KAT5: variants seen among roughly 807,000 people sequenced by gnomAD.
KAT5 encodes the protein histone acetyltransferase KAT5.
A neutral mutation model predicts 68.1 loss-of-function variants in KAT5; 31 were observed. The observed-to-expected ratio is 0.46, with a 90% confidence interval of 0.34 to 0.61. KAT5 has a LOEUF of 0.61. KAT5 is among the 20% of genes least tolerant of loss of function. The pLI is 0.01. For synonymous variants in KAT5, 365 were observed against 292.6 expected, an observed-to-expected ratio of 1.25 and a Z score of -2.52; for missense variants, 451 against 725.5, an observed-to-expected ratio of 0.62 and a Z score of 4.35.
chr11:65,714,273 C>T (rs1489772960), intron 6 of KAT5: 4 of 592,134 alleles, frequency 6.8e-6, no homozygotes, highest in South Asian at 4.1e-5. Context: ...CCAGCCTGGG[C>T]GACAGACTGA....
chr11:65,714,308 T>G, intron 6 of KAT5, 187 bp from the exon 7 acceptor site: 2 of 667,790 alleles, frequency 3.0e-6, no homozygotes, highest in South Asian at 2.0e-5. Context: ...AATGGGGTCA[T>G]TGGGTGATCT....
chr11:65,718,189 C>T lies in KAT5; in HGVS notation c.1265-401C>T, dbSNP rs761492773. Reference sequence around the variant, plus strand: ...GGAGGACTTTGAGAATTCAAGCATTCTCAGGTCTGGATTAGAGACAGGAAT... The same window carrying T: ...GGAGGACTTTGAGAATTCAAGCATTTTCAGGTCTGGATTAGAGACAGGAAT... On this transcript the variant is annotated intron_variant, in intron 10 of 12. Transcript: ENST00000341318. The T allele has an allele frequency of 1.1e-3, 182 of 165,894 alleles. No homozygotes were observed. Among genetic ancestry groups the T allele is most frequent in the Middle Eastern group, 3.2e-3 (1 of 316 alleles). 10.3% of individuals were successfully genotyped at this position (165,894 alleles called of 1,614,324 possible). A position where few individuals can be genotyped will look rare whatever the true frequency, so the allele number is the denominator to read the frequency against.
intron 10 of KAT5, chr11:65,718,282 C>T: frequency 3.6e-6 from 1 of 278,576 alleles, no homozygotes; most frequent in Non-Finnish European, 6.8e-6. Context: ...GAGGCCCCTT[C>T]TTCCCATGAG....
In KAT5 at chr11:65,713,681, A is replaced by G. The variant is rs1590961342; in HGVS notation, c.615+14A>G. 1 of 1,613,752 alleles carries G rather than the reference A, an allele frequency of 6.2e-7. No individual in the cohort carries two copies. Among genetic ancestry groups the G allele is most frequent in the Non-Finnish European group, 8.5e-7 (1 of 1,179,890 alleles). On this transcript the variant is annotated intron_variant, in intron 5 of 12. Transcript: ENST00000341318. ...GTTTTTCCCCAGGTGAGTTCCCCAA[A>G]CCATCTCTTGTTCTCTTCCTCTCTT...
Position 65,712,322 on chromosome 11 carries a change from G to A in KAT5, c.55G>A (p.Val19Met). The change falls in exon 1 of 13, where the codon GTG (valine) becomes ATG (methionine). Residue 19 changes from valine (V) to methionine (M), a missense_variant. Val to Met is a conservative substitution (Grantham distance 21, BLOSUM62 1). Around this residue, in one of 4 missense-constraint regions of KAT5, gnomAD observed 104 missense variants for 107.3 expected, o/e 0.97. Coordinates refer to ENST00000341318, the MANE Select transcript of KAT5 (RefSeq NM_182710.3). Reference sequence around the variant, plus strand: ...GGCGGGGCGGAGGGAGCCAGGGGAGGTGGGTAGAGCCCGAGGCCCCCCAGT... The same window carrying A: ...GGCGGGGCGGAGGGAGCCAGGGGAGATGGGTAGAGCCCGAGGCCCCCCAGT... ...PGAGRREPGEVGRARGPPVAD... is the reference protein window; with the variant it reads ...PGAGRREPGEMGRARGPPVAD... 1 of 1,497,242 alleles carries A rather than the reference G, an allele frequency of 6.7e-7. No homozygotes were observed. The allele number at this position is 1,497,242 out of a possible 1,614,324, so 92.7% of individuals were successfully genotyped here.
At chr11:65,717,183 C>A in intron 10 of KAT5, 1 of 599,548 alleles carries the variant, frequency 1.7e-6, no homozygotes, top group Non-Finnish European at 3.0e-6. Flanking sequence ...GTTCTCAGCC[C>A]CCCAGTTTGC....
chr11:65,712,896 G>T, intron 2 of KAT5, 26 bp from the exon 3 acceptor site: 1 of 1,614,124 alleles, frequency 6.2e-7, no homozygotes, highest in Non-Finnish European at 8.5e-7. Flanking sequence ...TTGGCATTCT[G>T]TCCTGAGCCA....
chr11:65,715,336 A>G (rs1469458722), intron 8 of KAT5: 2 of 236,594 alleles, frequency 8.5e-6, no homozygotes, highest in African/African-American at 2.2e-5. Context: ...GAGGCAGAAA[A>G]GGGAGGATGA....
rs369678311 is a variant in KAT5, at chr11:65,718,864, C to T, written c.1425-9C>T. On this transcript the variant is annotated splice_polypyrimidine_tract_variant and intron_variant, in intron 11 of 12. Coordinates refer to ENST00000341318, the MANE Select transcript of KAT5 (RefSeq NM_182710.3). ...GTCCTCAGGGAACCTGACCTGTGCTCTCCCACAGTGAGATTAGTGAAATCA... is the reference window on the plus strand; with the variant it reads ...GTCCTCAGGGAACCTGACCTGTGCTTTCCCACAGTGAGATTAGTGAAATCA... 8.1e-6 allele frequency: 13 copies of T among 1,614,110 alleles called. No individual in the cohort carries two copies. In the African/African-American group the frequency reaches 1.3e-4, roughly 17 times the overall value.
chr11:65,712,042 A>C (rs568372894), upstream of KAT5: 4 of 416,942 alleles, frequency 9.6e-6, no homozygotes, highest in East Asian at 1.5e-4. Flanking sequence ...GTAGACCGCC[A>C]CTGGCTGTGC....
At chr11:65,717,461 A>C (rs1590967729) in intron 10 of KAT5, 1 of 197,408 alleles carries the variant, frequency 5.1e-6, no homozygotes, top group East Asian at 1.3e-4. Flanking sequence ...CAGTCTCTTA[A>C]AGCCAGAAGG....
intron 10 of KAT5, 99 bp downstream of exon 10, chr11:65,717,081 GC>G: frequency 1.0e-6 from 1 of 978,008 alleles, no homozygotes; most frequent in Non-Finnish European, 1.6e-6. Context: ...TGGCTGTGCA[GC>G]CCAGCCTCTA....
At chr11:65,712,586 C>A in intron 1 of KAT5, 141 bp downstream of exon 1, 2 of 1,228,066 alleles carry the variant, frequency 1.6e-6, no homozygotes, top group South Asian at 1.3e-5. Flanking sequence ...TGGCTCTTAG[C>A]TGCTCCGAGA....
chr11:65,716,269 G>A (rs1857191260), intron 8 of KAT5: 1 of 189,408 alleles, frequency 5.3e-6, no homozygotes, highest in African/African-American at 2.3e-5. Context: ...TCAGTGGTCA[G>A]AGTCTCACTT....
At chr11:65,715,710 G>A (rs1857168556) in intron 8 of KAT5, among the ~76,000 whole-genome samples, 1 of 151,772 alleles carries the variant, frequency 6.6e-6, no homozygotes. Context: ...GCAGTGAGCC[G>A]AGATTGCACC....
rs4645921 is a variant in KAT5, at chr11:65,714,561, C to A, written c.757C>A (p.Arg253=). 20 of 1,614,108 alleles carry A rather than the reference C, an allele frequency of 1.2e-5. No homozygotes were observed. In the African/African-American group the frequency reaches 2.5e-4, roughly 20 times the overall value. The change falls in exon 7 of 13, where the codon CGA becomes AGA. Residue 253 remains arginine, a synonymous_variant. Transcript: ENST00000341318. ...CATGACTGGCAGCCTGGTGTCTGAT[C>A]GAAGCCACGACGACATCGTCACCCG... is the stretch of plus-strand genomic sequence containing the variant. ...PRMTGSLVSD[R]SHDDIVTRMK... is the part of the protein sequence containing the mutation.
chr11:65,714,755 C>G lies in KAT5; in HGVS notation c.939+12C>G, dbSNP rs1383677665. 6.2e-7 allele frequency: 1 copy of G among 1,614,168 alleles called. No homozygotes were observed. Among genetic ancestry groups the G allele is most frequent in the African/African-American group, 1.3e-5 (1 of 75,042 alleles). On this transcript the variant is annotated intron_variant, in intron 7 of 12. Transcript: ENST00000341318. Reference sequence around the variant, plus strand: ...TTCAGCGTCATTTGGTATGAGGGGTCCAGGGAGGCTGCCTTCCCAGCACCC... The same window carrying G: ...TTCAGCGTCATTTGGTATGAGGGGTGCAGGGAGGCTGCCTTCCCAGCACCC...
chr11:65,717,315 C>T (rs1170015252), intron 10 of KAT5: 1 of 430,172 alleles, frequency 2.3e-6, no homozygotes, highest in Non-Finnish European at 4.3e-6. Flanking sequence ...TAACGTGTGC[C>T]ATGATACGAG....
At chr11:65,715,066 GTC>G (rs1411768982) in intron 8 of KAT5, 156 bp downstream of exon 8, 7 of 670,624 alleles carry the variant, frequency 1.0e-5, no homozygotes, top group Non-Finnish European at 1.9e-5. Flanking sequence ...GAATGAGACA[GTC>G]TCTGTTCTCT....
Sources: gnomAD v4.1 joint callset for allele counts (sites outside exome capture counted in the v4.1 genomes callset) on GRCh38, gnomAD v4.1.1 for gene constraint, gnomAD v4.1.1 regional missense constraint, MANE v1.5 for transcripts, NCBI Gene and HGNC (gene_info 2026-07-23, HGNC 2026-07-21) for gene names.